TBC1D22B: variants seen among roughly 807,000 people sequenced by gnomAD.
TBC1D22B encodes chromosome 6 open reading frame 197.
Under a neutral mutation model 69.1 loss-of-function variants are expected in TBC1D22B, and 32 were observed. The observed-to-expected ratio is 0.46, with a 90% confidence interval of 0.35 to 0.62. The LOEUF (loss-of-function observed/expected upper bound fraction) is 0.62. Among genes scored for constraint, TBC1D22B ranks in the 20% least tolerant of loss-of-function variants. TBC1D22B has a pLI of 0.00. For synonymous variants in TBC1D22B, 206 were observed against 229.8 expected (o/e 0.90, Z 0.94); for missense variants, 462 against 630.9 (o/e 0.73, Z 2.87).
intron 12 of TBC1D22B, 150 bp downstream of exon 12, chr6:37,317,356 T>G (rs1768113283): frequency 1.3e-6 from 1 of 746,130 alleles, no homozygotes; most frequent in South Asian, 1.8e-5. Flanking sequence ...TCGTCCCTCT[T>G]AGTTGGCAGG....
chr6:37,322,516 C>CA (rs1043622782), intron 12 of TBC1D22B, among the ~76,000 whole-genome samples: 3 of 151,700 alleles, frequency 2.0e-5, no homozygotes, highest in Non-Finnish European at 4.4e-5. Context: ...GACTCTGTCT[C>CA]AAAAAAAGAA....
intron 3 of TBC1D22B, among the ~76,000 whole-genome samples, chr6:37,279,894 C>G (rs778187280): frequency 6.6e-6 from 1 of 152,208 alleles, no homozygotes. Flanking sequence ...TGGTGGAGTC[C>G]ACAACTTCTC....
At chr6:37,282,816 C>CCA in intron 4 of TBC1D22B, 66 bp from the exon 5 acceptor site, 1 of 1,468,582 alleles carries the variant, frequency 6.8e-7, no homozygotes. Context: ...TCAGGCAGTG[C>CCA]TGGTTGCGGT....
At chr6:37,289,034 A>T (rs190487584) in intron 7 of TBC1D22B, among the ~76,000 whole-genome samples, 1 of 152,018 alleles carries the variant, frequency 6.6e-6, no homozygotes, top group East Asian at 2.0e-4. Flanking sequence ...GGCTGCAATC[A>T]TGCACCACCA....
intron 2 of TBC1D22B, among the ~76,000 whole-genome samples, chr6:37,275,963 T>C (rs190434723): frequency 1.3e-4 from 20 of 149,702 alleles, no homozygotes; most frequent in Non-Finnish European, 2.2e-4. Context: ...CTTTTCTTTT[T>C]TTCTTTTTTT....
At chr6:37,327,466 A>G (rs1419873044) in intron 12 of TBC1D22B, among the ~76,000 whole-genome samples, 5 of 56,828 alleles carry the variant, frequency 8.8e-5, no homozygotes, top group South Asian at 7.1e-4. Flanking sequence ...CGACAGAGCC[A>G]GACTCCGACT....
rs374669571 is a variant in TBC1D22B at position 37,330,395 on chromosome 6, T to G, written c.1390-649T>G. 3.3e-5 allele frequency among the ~76,000 whole-genome samples: 5 copies of G among 152,158 alleles called. No individual in the cohort carries two copies. In the South Asian group the frequency reaches 1.0e-3, roughly 32 times the overall value. ...CTGTGACTACAGGCGTGTGCTACCT[T>G]GCCTGGCTAATTGTTTGTATTTTTA... On this transcript the variant is annotated intron_variant, in intron 12 of 12. Transcript: ENST00000373491.
At position 37,313,744 on chromosome 6, in the gene TBC1D22B, G is replaced by A. The variant is rs551287641; in HGVS notation, c.1090-72G>A. ...TGGAAAATGGCCTGAACTTCTAAACGTGTTTCAGTGAATGTCAGGTGATAA... is the reference window on the plus strand; with the variant it reads ...TGGAAAATGGCCTGAACTTCTAAACATGTTTCAGTGAATGTCAGGTGATAA... On this transcript the variant is annotated intron_variant, in intron 9 of 12. Coordinates refer to ENST00000373491, the MANE Select transcript of TBC1D22B (RefSeq NM_017772.4). The A allele has an allele frequency of 9.1e-6, 13 of 1,425,138 alleles. 1 individual carries two copies. Among genetic ancestry groups the A allele is most frequent in the South Asian group, 5.7e-5 (5 of 87,124 alleles). 88.3% of individuals were successfully genotyped at this position (1,425,138 alleles called of 1,614,324 possible). A position where few individuals can be genotyped will look rare whatever the true frequency, so the allele number is the denominator to read the frequency against.
At chr6:37,329,189 G>A (rs887771643) in intron 12 of TBC1D22B, among the ~76,000 whole-genome samples, 3 of 152,214 alleles carry the variant, frequency 2.0e-5, no homozygotes, top group Non-Finnish European at 1.5e-5. Flanking sequence ...ATGTGTACAT[G>A]TACATATACA....
At position 37,257,772 on chromosome 6, in the gene TBC1D22B, A is replaced by G; in HGVS notation, c.-146A>G. ...AGCGGTGCTGGGTGGAGGGGTGCCC[A>G]CATCCAAGATGGCGTCCCCAGGAGC... On this transcript the variant is annotated 5_prime_UTR_variant, in exon 1 of 13. Coordinates refer to ENST00000373491, the MANE Select transcript of TBC1D22B (RefSeq NM_017772.4). The G allele has an allele frequency of 1.2e-6, 1 of 837,416 alleles. No individual in the cohort carries two copies. The highest frequency in any genetic ancestry group is 1.9e-6 in the Non-Finnish European group (1 of 531,706). The allele number at this position is 837,416 out of a possible 1,614,324, so 51.9% of individuals were successfully genotyped here.
intron 8 of TBC1D22B, among the ~76,000 whole-genome samples, chr6:37,307,906 T>C (rs1412593628): frequency 6.6e-6 from 1 of 152,230 alleles, no homozygotes; most frequent in East Asian, 1.9e-4. Flanking sequence ...GTTACTCTTG[T>C]TGGTGTTGGT....
chr6:37,277,463 C>CT (rs1163535035), intron 2 of TBC1D22B, among the ~76,000 whole-genome samples: 6,007 of 133,978 alleles, frequency 0.045, 276 homozygotes, highest in African/African-American at 0.11. Context: ...TCCTATAGTT[C>CT]TTTTTTTTTT....
At chr6:37,311,343 G>A (rs1767905831) in intron 8 of TBC1D22B, among the ~76,000 whole-genome samples, 1 of 151,968 alleles carries the variant, frequency 6.6e-6, no homozygotes, top group Non-Finnish European at 1.5e-5. Flanking sequence ...TCTCAAGGAG[G>A]TTCAGATATA....
At chr6:37,317,707 G>A (rs1167084271) in intron 12 of TBC1D22B, among the ~76,000 whole-genome samples, 3 of 152,184 alleles carry the variant, frequency 2.0e-5, no homozygotes, top group Non-Finnish European at 2.9e-5. Flanking sequence ...TGGTAGAGAA[G>A]GGACAGGTTG....
chr6:37,316,731 C>A lies in TBC1D22B; in HGVS notation c.1194C>A (p.Tyr398Ter), dbSNP rs576288878. 1.2e-6 allele frequency: 2 copies of A among 1,614,202 alleles called. No individual in the cohort carries two copies. Among genetic ancestry groups the A allele is most frequent in the Non-Finnish European group, 1.7e-6 (2 of 1,180,040 alleles). The part of the protein sequence containing the change: ...DEQVHNHFRR[Y>*]EVEYLQFAFR... ...AGGTACATAATCACTTCAGGAGGTA[C>A]GAGGTAGAATACCTGCAGTTTGCCT... Residue 398 changes from tyrosine (Y) to a stop codon, truncating the protein, a stop_gained, in exon 11 of 13, where the codon TAC becomes TAA. Transcript: ENST00000373491. LOFTEE classifies it high-confidence loss of function.
intron 12 of TBC1D22B, among the ~76,000 whole-genome samples, chr6:37,329,665 G>A (rs1482002996): frequency 6.6e-6 from 1 of 152,218 alleles, no homozygotes; most frequent in African/African-American, 2.4e-5. Context: ...AACAGTCTAA[G>A]TGTAAGCAGT....
chr6:37,284,602 C>T (rs1418336762), intron 6 of TBC1D22B, 138 bp downstream of exon 6: 6 of 992,490 alleles, frequency 6.0e-6, no homozygotes, highest in Admixed American at 7.0e-5. Flanking sequence ...ATCCTCAAAA[C>T]TGTTTCCCCT....
At position 37,331,168 on chromosome 6, in the gene TBC1D22B, G is replaced by A. The variant is rs554556204; in HGVS notation, c.1514G>A (p.Arg505Gln). The A allele has an allele frequency of 6.2e-6, 10 of 1,614,036 alleles. No homozygotes were observed. Among genetic ancestry groups the A allele is most frequent in the African/African-American group, 1.3e-5 (1 of 75,018 alleles). Reference sequence around the variant, plus strand: ...GCCGATGCCCCAAATCACTACCGCCGATAGGTGCTGTCTCCTCCGGGGACC... The same window carrying A: ...GCCGATGCCCCAAATCACTACCGCCAATAGGTGCTGTCTCCTCCGGGGACC... ...MFADAPNHYR[R>Q] The change falls in exon 13 of 13, where the codon CGA becomes CAA. Residue 505 changes from arginine (R) to glutamine (Q), a missense_variant. Arg to Gln is a conservative substitution (Grantham distance 43). Transcript: ENST00000373491.
At chr6:37,298,410 A>G (rs551340877) in intron 8 of TBC1D22B, among the ~76,000 whole-genome samples, 29 of 152,268 alleles carry the variant, frequency 1.9e-4, no homozygotes, top group East Asian at 5.8e-4. Context: ...TAAAAATATC[A>G]TATAGCAAGC....
Sources: gnomAD v4.1 joint callset for allele counts (sites outside exome capture counted in the v4.1 genomes callset) on GRCh38, gnomAD v4.1.1 for gene constraint, MANE v1.5 for transcripts, NCBI Gene and HGNC (gene_info 2026-07-23, HGNC 2026-07-21) for gene names.